Variants in SLC71A2 observed in about 807,000 individuals in gnomAD.
SLC71A2 encodes the protein solute carrier family 71 member 2.
the SLC71A2 span, among the ~76,000 whole-genome samples, chr9:94,442,273 G>A: frequency 6.6e-6 from 1 of 152,104 alleles, no homozygotes; most frequent in African/African-American, 2.4e-5. Context: ...AATCAATGAT[G>A]GGCATATAAA....
chr9:94,447,198 A>G, the SLC71A2 span, among the ~76,000 whole-genome samples: 33 of 143,948 alleles, frequency 2.3e-4, 1 homozygote, highest in African/African-American at 7.2e-4. Flanking sequence ...TTTTTTTTTG[A>G]GACGGAGTTT....
chr9:94,392,407 G>A, the SLC71A2 span, among the ~76,000 whole-genome samples: 1 of 151,840 alleles, frequency 6.6e-6, no homozygotes, highest in Non-Finnish European at 1.5e-5. Flanking sequence ...CTTTGAGGAA[G>A]ATTATAGCTG....
chr9:94,452,336 C>A, the SLC71A2 span, among the ~76,000 whole-genome samples: 6 of 152,130 alleles, frequency 3.9e-5, no homozygotes, highest in Non-Finnish European at 8.8e-5. Flanking sequence ...GTGGCTCACA[C>A]CTGTAATCCC....
the SLC71A2 span, among the ~76,000 whole-genome samples, chr9:94,397,680 T>A: frequency 6.6e-6 from 1 of 152,186 alleles, no homozygotes; most frequent in African/African-American, 2.4e-5. Context: ...GCGCTCCTTG[T>A]TTCTGATGTC....
At chr9:94,425,799 T>G in the SLC71A2 span, among the ~76,000 whole-genome samples, 1 of 152,124 alleles carries the variant, frequency 6.6e-6, no homozygotes, top group Non-Finnish European at 1.5e-5. Flanking sequence ...ATTACTGTCT[T>G]TGTTTTAAAA....
the SLC71A2 span, among the ~76,000 whole-genome samples, chr9:94,415,717 G>C: frequency 6.6e-6 from 1 of 152,008 alleles, no homozygotes; most frequent in Non-Finnish European, 1.5e-5. Context: ...AACATGCACA[G>C]TTCAGAGTAG....
chr9:94,381,040 CTTTT>C, the SLC71A2 span, among the ~76,000 whole-genome samples: 2 of 68,500 alleles, frequency 2.9e-5, no homozygotes, highest in Non-Finnish European at 5.8e-5. Context: ...TTTCTTCCCC[CTTTT>C]TTTTTTTTTG....
At chr9:94,426,356 A>G in the SLC71A2 span, among the ~76,000 whole-genome samples, 2 of 152,024 alleles carry the variant, frequency 1.3e-5, no homozygotes, top group African/African-American at 4.8e-5. Context: ...GTACCCTTTC[A>G]TTTATGGCTA....
the SLC71A2 span, among the ~76,000 whole-genome samples, chr9:94,410,191 A>G: frequency 6.6e-6 from 1 of 151,570 alleles, no homozygotes. Flanking sequence ...AAACTCCTGC[A>G]CTCCAGCGAT....
chr9:94,451,636 C>T, the SLC71A2 span: 1 of 529,422 alleles, frequency 1.9e-6, no homozygotes. Flanking sequence ...TGAGCTGCTA[C>T]CTCAGTCCCT....
At chr9:94,446,930 C>T in the SLC71A2 span, 7 of 1,539,436 alleles carry the variant, frequency 4.5e-6, no homozygotes, top group Non-Finnish European at 6.3e-6. Context: ...TTCTCTATCT[C>T]AGGCAGGTGA....
At chr9:94,404,197 T>G in the SLC71A2 span, among the ~76,000 whole-genome samples, 1 of 152,252 alleles carries the variant, frequency 6.6e-6, no homozygotes, top group South Asian at 2.1e-4. Flanking sequence ...CAAAACAGAT[T>G]AAGACAGTAG....
the SLC71A2 span, among the ~76,000 whole-genome samples, chr9:94,453,437 C>T: frequency 6.6e-6 from 1 of 152,176 alleles, no homozygotes; most frequent in East Asian, 1.9e-4. Flanking sequence ...CATGAGCCAC[C>T]ACACCCGGCC....
At chr9:94,451,385 AAT>A in the SLC71A2 span, 5 of 754,466 alleles carry the variant, frequency 6.6e-6, no homozygotes, top group Admixed American at 1.8e-4. Flanking sequence ...TTATCATTGT[AAT>A]AGAACATAAT....
At chr9:94,378,213 G>C in the SLC71A2 span, among the ~76,000 whole-genome samples, 1 of 151,712 alleles carries the variant, frequency 6.6e-6, no homozygotes, top group South Asian at 2.1e-4. Flanking sequence ...AATTTATCAA[G>C]AAAAGTGGTT....
chr9:94,401,027 CTTG>C, the SLC71A2 span, among the ~76,000 whole-genome samples: 14 of 151,824 alleles, frequency 9.2e-5, no homozygotes, highest in South Asian at 8.3e-4. Flanking sequence ...TTCTAACAAT[CTTG>C]TTGTTTTAAT....
the SLC71A2 span, among the ~76,000 whole-genome samples, chr9:94,391,376 A>AG: frequency 6.6e-6 from 1 of 151,020 alleles, no homozygotes; most frequent in Admixed American, 6.6e-5. Context: ...AAAAAAAAAA[A>AG]AGGAAAAAGG....
At chr9:94,389,405 A>G in the SLC71A2 span, among the ~76,000 whole-genome samples, 1 of 151,444 alleles carries the variant, frequency 6.6e-6, no homozygotes, top group Non-Finnish European at 1.5e-5. Context: ...AGCTGGGACT[A>G]CAAGCATACA....
the SLC71A2 span, chr9:94,458,181 A>G: frequency 1.7e-5 from 10 of 600,690 alleles, no homozygotes; most frequent in Non-Finnish European, 2.5e-5. Flanking sequence ...AGTCTTCCTA[A>G]TCTACTTTCA....
Sources: gnomAD v4.1 joint callset for allele counts (sites outside exome capture counted in the v4.1 genomes callset) on GRCh38, gnomAD v4.1.1 for gene constraint, MANE v1.5 for transcripts, NCBI Gene and HGNC (gene_info 2026-07-23, HGNC 2026-07-21) for gene names.